The following LMLN variants were observed in gnomAD, a reference collection of about 807,000 sequenced individuals.
The protein encoded by LMLN is leishmanolysin like peptidase.
LMLN carries 70 observed loss-of-function variants against 92.3 expected under a neutral mutation model. The ratio of observed to expected loss-of-function variants is 0.76; its 90% CI spans 0.63 to 0.92. The LOEUF (loss-of-function observed/expected upper bound fraction) is 0.92. LMLN is among the 40% of genes least tolerant of loss of function. LMLN has a pLI of 0.00. For synonymous variants in LMLN, 308 were observed against 296.2 expected (o/e 1.04, Z -0.41); for missense variants, 691 against 814.6 (o/e 0.85, Z 1.85).
At chr3:197,983,889 T>C (rs1344303143) in intron 6 of LMLN, 54 bp from the exon 7 acceptor site, 3 of 1,194,782 alleles carry the variant, frequency 2.5e-6, no homozygotes, top group African/African-American at 1.5e-5. Context: ...GAAGTAAATG[T>C]TAATAAATAT....
chr3:198,026,981 T>A (rs529172735), intron 14 of LMLN, among the ~76,000 whole-genome samples: 1 of 152,292 alleles, frequency 6.6e-6, no homozygotes, highest in East Asian at 1.9e-4. Context: ...CACTCTCCTG[T>A]GAGTGCGTGT....
intron 1 of LMLN, among the ~76,000 whole-genome samples, chr3:197,974,024 T>C (rs1721300800): frequency 6.6e-6 from 1 of 152,230 alleles, no homozygotes; most frequent in Non-Finnish European, 1.5e-5. Flanking sequence ...TTAAAGTAAT[T>C]GAAGATACTT....
At position 197,965,449 on chromosome 3, in the gene LMLN, C is replaced by T. The variant is rs551809677; in HGVS notation, c.219+5009C>T. ...AGAGATGGGATCTCAGTATGTTGCC[C>T]GGGCTGGTCTTGAGCTCCTGGACTC... On this transcript the variant is annotated intron_variant, in intron 1 of 15. Transcript: ENST00000330198. Among the ~76,000 whole-genome samples the T allele has an allele frequency of 5.3e-5, 8 of 151,948 alleles. No individual in the cohort carries two copies. In the East Asian group the frequency reaches 7.7e-4, roughly 15 times the overall value.
At chr3:198,007,827 C>T (rs1265046285) in intron 11 of LMLN, among the ~76,000 whole-genome samples, 1 of 152,150 alleles carries the variant, frequency 6.6e-6, no homozygotes, top group Admixed American at 6.5e-5. Flanking sequence ...TGGGAGAAAA[C>T]ATTCAGTCTT....
intron 9 of LMLN, among the ~76,000 whole-genome samples, chr3:197,991,642 A>C (rs1721874490): frequency 6.6e-6 from 1 of 152,102 alleles, no homozygotes; most frequent in Non-Finnish European, 1.5e-5. Context: ...ACTCATTGCA[A>C]TGTTACTCTC....
chr3:198,018,337 G>A (rs75088127), intron 11 of LMLN, among the ~76,000 whole-genome samples: 2,025 of 152,228 alleles, frequency 0.013, 47 homozygotes, highest in African/African-American at 0.045. Context: ...TATAAACAGC[G>A]GAAATCACAT....
At chr3:198,036,566 C>T (rs1388197109) in intron 15 of LMLN, among the ~76,000 whole-genome samples, 1 of 152,006 alleles carries the variant, frequency 6.6e-6, no homozygotes, top group Non-Finnish European at 1.5e-5. Context: ...GGAATAGGAC[C>T]GAGTGCTCGT....
chr3:198,024,603 C>A, intron 13 of LMLN, 55 bp from the exon 15 acceptor site: 1 of 1,456,166 alleles, frequency 6.9e-7, no homozygotes, highest in African/African-American at 1.5e-5. Context: ...GGTTCAGTTT[C>A]TTGTTCTTTG....
intron 14 of LMLN, among the ~76,000 whole-genome samples, chr3:198,029,910 T>G (rs1006589822): frequency 1.8e-4 from 28 of 151,962 alleles, no homozygotes; most frequent in Admixed American, 1.6e-3. Context: ...GCATGATCCC[T>G]CGGCTCACTG....
chr3:198,000,859 ATACT>A (rs2109901256), intron 11 of LMLN, among the ~76,000 whole-genome samples: 1 of 152,348 alleles, frequency 6.6e-6, no homozygotes, highest in Non-Finnish European at 1.5e-5. Context: ...TCATGAAACA[ATACT>A]TACCCTGACC....
chr3:198,030,449 A>G (rs1283345711), intron 14 of LMLN, among the ~76,000 whole-genome samples: 1 of 152,110 alleles, frequency 6.6e-6, no homozygotes, highest in Admixed American at 6.5e-5. Flanking sequence ...TTTTTTTGCA[A>G]TTAGTTTTCT....
chr3:197,975,888 GC>G, intron 3 of LMLN, 140 bp from the exon 4 acceptor site: 1 of 541,394 alleles, frequency 1.8e-6, no homozygotes, highest in Non-Finnish European at 3.2e-6. Flanking sequence ...CCTACCCCTT[GC>G]CATACAACCT....
Position 198,024,797 on chromosome 3 carries a change from AT to A in LMLN, c.1656+10del. 5 of 1,592,436 alleles carry A rather than the reference AT, an allele frequency of 3.1e-6. No individual in the cohort carries two copies. The highest frequency in any genetic ancestry group is 4.3e-6 in the Non-Finnish European group (5 of 1,172,800). ...GAAGCGGATGCTATCAGGTAAGCTTATGTTTGTTATTAGTTGTGCCAAATAT... is the reference window on the plus strand; with the variant it reads ...GAAGCGGATGCTATCAGGTAAGCTTAGTTTGTTATTAGTTGTGCCAAATAT... On this transcript the variant is annotated intron_variant, in intron 14 of 15. Coordinates refer to ENST00000330198, the Ensembl canonical transcript of LMLN.
rs148700841 is a variant in LMLN, at chr3:197,974,267, C to A, written c.220-110C>A. ...ACACAGTGGAATATGGGTCACAGAA[C>A]TTTTTCTCTGGGTATTACACTTGAA... On this transcript the variant is annotated intron_variant, in intron 1 of 15. Coordinates refer to ENST00000330198, the Ensembl canonical transcript of LMLN. 1.7e-3 allele frequency: 1,060 copies of A among 642,254 alleles called. 7 individuals are homozygous for A. In the African/African-American group the frequency reaches 0.018, roughly 11 times the overall value. 39.8% of individuals were successfully genotyped at this position (642,254 alleles called of 1,614,324 possible). A position where few individuals can be genotyped will look rare whatever the true frequency, so the allele number is the denominator to read the frequency against.
intron 7 of LMLN, among the ~76,000 whole-genome samples, chr3:197,985,359 G>A (rs115568250): frequency 0.014 from 1,973 of 145,652 alleles, 43 homozygotes; most frequent in African/African-American, 0.046. Context: ...ACTTTAAAAC[G>A]CAGACAGACT....
At chr3:197,973,335 G>C (rs2109853418) in intron 1 of LMLN, among the ~76,000 whole-genome samples, 1 of 151,594 alleles carries the variant, frequency 6.6e-6, no homozygotes. Context: ...TCCACCTCCT[G>C]GGTTCTAGCA....
chr3:197,970,858 A>G (rs1721203868), intron 1 of LMLN, among the ~76,000 whole-genome samples: 1 of 152,158 alleles, frequency 6.6e-6, no homozygotes, highest in African/African-American at 2.4e-5. Context: ...ACCATTTCCA[A>G]TAGCTTTTAT....
intron 5 of LMLN, among the ~76,000 whole-genome samples, chr3:197,978,930 A>C (rs1013879959): frequency 2.0e-5 from 3 of 152,126 alleles, no homozygotes; most frequent in African/African-American, 7.2e-5. Context: ...CGGAAGTTGC[A>C]GTGAGCCCAG....
At chr3:197,984,868 G>T (rs1043832794) in intron 7 of LMLN, among the ~76,000 whole-genome samples, 1 of 151,770 alleles carries the variant, frequency 6.6e-6, no homozygotes, top group Non-Finnish European at 1.5e-5. Flanking sequence ...TAGAGATGGG[G>T]GTCTCGCCAT....
Sources: allele counts gnomAD v4.1 joint callset (sites outside exome capture counted in the v4.1 genomes callset), GRCh38; gene constraint gnomAD v4.1.1; transcripts MANE v1.5; gene names NCBI Gene and HGNC (gene_info 2026-07-23, HGNC 2026-07-21).